Variants in WDR17 observed in about 807,000 individuals in gnomAD.
The protein encoded by WDR17 is WD repeat-containing protein 17.
WDR17 carries 143 observed loss-of-function variants against 161.7 expected under a neutral mutation model. The observed-to-expected ratio is 0.88, with a 90% confidence interval of 0.77 to 1.02. The LOEUF is 1.02. Ranked by LOEUF, WDR17 falls within the 50% of genes least tolerant of loss-of-function variation. The pLI, the probability that WDR17 is intolerant of heterozygous loss-of-function variation, is 0.00. For missense variants in WDR17, 1,469 were observed against 1,520.9 expected, an observed-to-expected ratio of 0.97 and a Z score of 0.57; for synonymous variants, 517 against 515.6, an observed-to-expected ratio of 1.00 and a Z score of -0.04.
At chr4:176,175,252 T>C (rs1319321775) in intron 26 of WDR17, among the ~76,000 whole-genome samples, 2 of 152,182 alleles carry the variant, frequency 1.3e-5, no homozygotes, top group Non-Finnish European at 2.9e-5. Context: ...AAACTGAATA[T>C]TTTAGCTTTT....
chr4:176,128,775 A>G lies in WDR17; in HGVS notation c.828A>G (p.Ser276=), dbSNP rs772441395. The stretch of plus-strand genomic sequence containing the variant: ...GTGTTTTACGCATTTGGAATGTTTC[A>G]AGAACAACACCTATTGATAATCTTA... ...QVGVLRIWNV[S]RTTPIDNLKL... The change falls in exon 6 of 29, where the codon TCA becomes TCG. Residue 276 remains serine (S), a synonymous_variant. Coordinates refer to ENST00000508596, the MANE Select transcript of WDR17 (RefSeq NM_181265.4). 3 of 1,605,498 alleles carry G rather than the reference A, an allele frequency of 1.9e-6. No homozygotes were observed.
At chr4:176,169,630 T>C (rs1178679737) in intron 23 of WDR17, among the ~76,000 whole-genome samples, 1 of 152,226 alleles carries the variant, frequency 6.6e-6, no homozygotes, top group Non-Finnish European at 1.5e-5. Context: ...AGTTTTTCAC[T>C]TATTTGAACC....
intron 11 of WDR17, among the ~76,000 whole-genome samples, chr4:176,143,069 G>A (rs550859338): frequency 6.6e-6 from 1 of 152,234 alleles, no homozygotes; most frequent in Admixed American, 6.5e-5. Context: ...AGTAGAGACG[G>A]GGTTTCTCCA....
intron 23 of WDR17, among the ~76,000 whole-genome samples, chr4:176,170,297 C>A (rs1210622540): frequency 6.7e-6 from 1 of 149,008 alleles, no homozygotes; most frequent in Non-Finnish European, 1.5e-5. Flanking sequence ...GTTGTCAAAT[C>A]AATTATTTTT....
intron 4 of WDR17, among the ~76,000 whole-genome samples, chr4:176,120,320 A>ATATATATATATATATATATAT (rs1561130343): frequency 2.2e-5 from 3 of 138,592 alleles, no homozygotes; most frequent in African/African-American, 8.1e-5. Context: ...ATATATATAT[A>ATATATATATATATATATATAT]ATACATTCAA....
intron 10 of WDR17, among the ~76,000 whole-genome samples, chr4:176,140,697 A>G (rs1369363974): frequency 3.3e-5 from 5 of 152,082 alleles, no homozygotes; most frequent in African/African-American, 9.7e-5. Context: ...AGGTTTTGCT[A>G]AAGCCACTCC....
At chr4:176,111,741 G>C (rs375270666) in intron 2 of WDR17, 38 bp downstream of exon 2, 2 of 1,480,446 alleles carry the variant, frequency 1.4e-6, no homozygotes, top group Non-Finnish European at 1.8e-6. Context: ...AATTATATCC[G>C]GTAAAATTAA....
At chr4:176,075,288 C>T (rs553293207) in intron 1 of WDR17, among the ~76,000 whole-genome samples, 12 of 151,778 alleles carry the variant, frequency 7.9e-5, no homozygotes, top group African/African-American at 2.7e-4. Flanking sequence ...TATTGTGAGT[C>T]GATTTTTCCC....
intron 21 of WDR17, 41 bp from the exon 22 acceptor site, chr4:176,163,113 G>C: frequency 6.2e-7 from 1 of 1,613,574 alleles, no homozygotes; most frequent in Non-Finnish European, 8.5e-7. Context: ...ATCCTACCCA[G>C]CTTCTATGCA....
rs143450435 is a variant in WDR17 at position 176,082,578 on chromosome 4, C to T, written c.-7+16499C>T. 9.1e-4 allele frequency among the ~76,000 whole-genome samples: 138 copies of T among 152,054 alleles called. 1 individual carries two copies. Among genetic ancestry groups the T allele is most frequent in the African/African-American group, 3.1e-3 (127 of 41,506 alleles). On this transcript the variant is annotated intron_variant, in intron 1 of 28. Coordinates refer to ENST00000508596, the MANE Select transcript of WDR17 (RefSeq NM_181265.4). ...TCTTTGGTATAACCCTTGTCCTTAA[C>T]GATCCAAGATATTTGCTAATGTGCC... is the stretch of plus-strand genomic sequence containing the variant.
intron 1 of WDR17, among the ~76,000 whole-genome samples, chr4:176,085,172 A>C: frequency 6.6e-6 from 1 of 152,126 alleles, no homozygotes; most frequent in South Asian, 2.1e-4. Context: ...GGATTGAATT[A>C]AATCTGAAGA....
intron 11 of WDR17, 65 bp downstream of exon 11, chr4:176,142,134 G>A (rs1395216267): frequency 1.5e-6 from 2 of 1,333,618 alleles, no homozygotes; most frequent in African/African-American, 2.9e-5. Flanking sequence ...TAACCATAAA[G>A]TTTAGTGCTA....
chr4:176,077,121 A>G (rs893624201), intron 1 of WDR17, among the ~76,000 whole-genome samples: 2 of 150,928 alleles, frequency 1.3e-5, no homozygotes, highest in Non-Finnish European at 2.9e-5. Context: ...TCCTTAGAGT[A>G]TAGTACTACT....
At chr4:176,067,220 T>C (rs1732643687) in intron 1 of WDR17, among the ~76,000 whole-genome samples, 1 of 152,230 alleles carries the variant, frequency 6.6e-6, no homozygotes, top group Non-Finnish European at 1.5e-5. Flanking sequence ...ATAGGTGGTC[T>C]GAGAACCTTT....
At chr4:176,079,991 G>A (rs1041271669) in intron 1 of WDR17, among the ~76,000 whole-genome samples, 4 of 151,960 alleles carry the variant, frequency 2.6e-5, no homozygotes, top group Non-Finnish European at 5.9e-5. Context: ...TGTTCACAAG[G>A]GCAGAACCCT....
chr4:176,085,803 T>C (rs574577032), intron 1 of WDR17, among the ~76,000 whole-genome samples: 9 of 152,144 alleles, frequency 5.9e-5, no homozygotes, highest in East Asian at 3.9e-4. Flanking sequence ...TCACCTCTTT[T>C]TGGAATGATT....
chr4:176,091,566 A>G lies in WDR17; in HGVS notation c.-6-20009A>G, dbSNP rs115727054. Among the ~76,000 whole-genome samples, 761 of 152,262 alleles carry G rather than the reference A, an allele frequency of 5.0e-3. 6 individuals are homozygous for G. The highest frequency in any genetic ancestry group is 0.017 in the African/African-American group (707 of 41,572). On this transcript the variant is annotated intron_variant, in intron 1 of 28. Coordinates refer to ENST00000508596, the MANE Select transcript of WDR17 (RefSeq NM_181265.4). ...TGGAAAAACTTGAAATAAACAAACT[A>G]ATGATGCATCTTAAAGAACTATAAA...
chr4:176,141,448 C>T (rs191797999), intron 10 of WDR17, among the ~76,000 whole-genome samples: 68 of 152,096 alleles, frequency 4.5e-4, no homozygotes, highest in African/African-American at 1.5e-3. Flanking sequence ...TAAGAAAAAG[C>T]GTTTTTGTTG....
At chr4:176,087,596 C>T (rs565930842) in intron 1 of WDR17, among the ~76,000 whole-genome samples, 159 of 151,900 alleles carry the variant, frequency 1.0e-3, no homozygotes, top group Admixed American at 3.2e-3. Context: ...TATCCCTTTC[C>T]TCTCCTTCTT....
Sources: gnomAD v4.1 joint callset for allele counts (sites outside exome capture counted in the v4.1 genomes callset) on GRCh38, gnomAD v4.1.1 for gene constraint, MANE v1.5 for transcripts, NCBI Gene and HGNC (gene_info 2026-07-23, HGNC 2026-07-21) for gene names.